Variants in NBPF20 observed in about 807,000 individuals in gnomAD.
The protein encoded by NBPF20 is NBPF family member NBPF20.
In NBPF20, 90 loss-of-function variants were observed where a neutral mutation model predicts 68.1. That is an observed-to-expected ratio of 1.32 (90% CI 1.11 to 1.58). The LOEUF (loss-of-function observed/expected upper bound fraction) is 1.58, where lower values mean the gene tolerates loss of function less well. Ranked by LOEUF, NBPF20 falls within the 40% of genes most tolerant of loss-of-function variation. The probability of loss-of-function intolerance (pLI) is 0.00; values close to 1 mark genes in which losing one functional copy is unlikely to be tolerated. For missense variants in NBPF20, 816 were observed against 601.2 expected (o/e 1.36, Z -3.74); for synonymous variants, 290 against 228.1 (o/e 1.27, Z -2.45).
At chr1:145,416,132 CA>C in the NBPF20 span, among the ~76,000 whole-genome samples, 17 of 143,040 alleles carry the variant, frequency 1.2e-4, no homozygotes, top group East Asian at 4.0e-4. Context: ...ACTCCATCTC[CA>C]AAAAAAAAAA....
Position 145,402,269 on chromosome 1 carries a change from G to C in NBPF20, c.391C>G (p.Leu131Val), listed in dbSNP as rs1189813550. Residue 131 changes from leucine (L) to valine (V), a missense_variant, in exon 4 of 138, where the codon CTT becomes GTT. Leu to Val is a conservative substitution (Grantham distance 32). Coordinates refer to ENST00000369373, the Ensembl canonical transcript of NBPF20. ...GACTTGTCCGGCTCATCCGGAGTAAGGAGGGCCTGGAGATGCTCATTCAAT... is the reference window on the plus strand; with the variant it reads ...GACTTGTCCGGCTCATCCGGAGTAACGAGGGCCTGGAGATGCTCATTCAAT... 116 of 1,610,208 alleles carry C rather than the reference G, an allele frequency of 7.2e-5. No individual in the cohort carries two copies. The East Asian group carries it at 1.7e-3, about 24-fold the overall frequency.
At position 145,399,899 on chromosome 1, in the gene NBPF20, G is replaced by A. The variant is rs1662433386; in HGVS notation, c.775+487C>T. On this transcript the variant is annotated intron_variant, in intron 6 of 137. Transcript: ENST00000369373. The stretch of plus-strand genomic sequence containing the variant: ...TATGGAAATATATCAGCAAAGTAAA[G>A]AAGAAAAGTTTCTGTCCTGATTTCA... 4.7e-5 allele frequency among the ~76,000 whole-genome samples: 7 copies of A among 150,382 alleles called. No homozygotes were observed. In the South Asian group the frequency reaches 1.5e-3, roughly 32 times the overall value.
At chr1:145,405,469 G>C in exon 1 of NBPF20, 1 of 1,543,338 alleles carries the variant, frequency 6.5e-7, no homozygotes, top group Non-Finnish European at 8.7e-7. Context: ...ACAAAAACAA[G>C]GTTCAAGGTG....
At chr1:145,393,439 A>ACACT (rs1237256036) in intron 9 of NBPF20, among the ~76,000 whole-genome samples, 193 bp from the exon 15 acceptor site, 1 of 138,484 alleles carries the variant, frequency 7.2e-6, no homozygotes, top group Non-Finnish European at 1.6e-5. Context: ...AGAGAGACAC[A>ACACT]CACTCACACA....
At position 145,393,950 on chromosome 1, in the gene NBPF20, A is replaced by G. The variant is rs1323665867; in HGVS notation, c.992-15T>C. On this transcript the variant is annotated splice_polypyrimidine_tract_variant and intron_variant, in intron 8 of 137. Transcript: ENST00000369373. The stretch of plus-strand genomic sequence containing the variant: ...CCACCGATGTCCTGCAAATAAATTC[A>G]GATGGGCCCTCTTACATTAAGCAGT... 7.0e-6 allele frequency: 9 copies of G among 1,285,580 alleles called. No homozygotes were observed. Among genetic ancestry groups the G allele is most frequent in the Non-Finnish European group, 8.9e-6 (8 of 894,490 alleles). 79.6% of individuals were successfully genotyped at this position (1,285,580 alleles called of 1,614,324 possible). A position where few individuals can be genotyped will look rare whatever the true frequency, so the allele number is the denominator to read the frequency against.
the NBPF20 span, among the ~76,000 whole-genome samples, chr1:145,419,357 G>A: frequency 2.3e-4 from 35 of 152,302 alleles, no homozygotes; most frequent in South Asian, 4.6e-3. Context: ...GGAGACAGAC[G>A]CACTACTGTA....
chr1:145,404,961 A>G, intron 2 of NBPF20, 137 bp downstream of exon 7: 3 of 1,285,440 alleles, frequency 2.3e-6, no homozygotes, highest in Non-Finnish European at 3.3e-6. Flanking sequence ...TCCAACTAAC[A>G]AAATGTTAAA....
intron 9 of NBPF20, chr1:145,393,606 T>G: frequency 1.4e-6 from 1 of 690,690 alleles, no homozygotes; most frequent in Non-Finnish European, 2.4e-6. Context: ...ATGTCCTCAA[T>G]AATTTTGCAT....
At chr1:145,393,441 A>T (rs1345307075) in intron 9 of NBPF20, among the ~76,000 whole-genome samples, 195 bp from the exon 15 acceptor site, 2 of 131,710 alleles carry the variant, frequency 1.5e-5, no homozygotes, top group Non-Finnish European at 3.3e-5. Context: ...AGAGACACAC[A>T]CTCACACACA....
At chr1:145,291,154 C>T in exon 138 of NBPF20, 1 of 377,848 alleles carries the variant, frequency 2.6e-6, no homozygotes, top group Non-Finnish European at 4.9e-6. Flanking sequence ...AGGGTAACAC[C>T]TTTGGATGAG....
At chr1:145,410,067 T>C (rs1215149798), upstream of NBPF20, among the ~76,000 whole-genome samples, 5 of 151,880 alleles carry the variant, frequency 3.3e-5, no homozygotes, top group African/African-American at 1.2e-4. Flanking sequence ...TGACTGTCTA[T>C]CTGATTTGTG....
chr1:145,366,613 G>C (rs1325501048), intron 43 of NBPF20, among the ~76,000 whole-genome samples: 2 of 84,890 alleles, frequency 2.4e-5, no homozygotes, highest in Non-Finnish European at 4.7e-5. Context: ...CACACAGAGA[G>C]AACGAGCTCA....
intron 112 of NBPF20, among the ~76,000 whole-genome samples, chr1:145,311,987 C>A (rs1661498332): frequency 1.3e-5 from 1 of 77,588 alleles, no homozygotes; most frequent in East Asian, 4.1e-4. Context: ...GATTAGGGCG[C>A]CACAGGCATG....
At chr1:145,424,574 T>C in the NBPF20 span, among the ~76,000 whole-genome samples, 8 of 152,288 alleles carry the variant, frequency 5.3e-5, no homozygotes, top group South Asian at 2.1e-4. Flanking sequence ...AGAAAAGGTA[T>C]CACTGCAAGA....
At chr1:145,292,307 C>A (rs1305171904) in intron 137 of NBPF20, 74 bp downstream of exon 142, 8 of 622,710 alleles carry the variant, frequency 1.3e-5, no homozygotes, top group East Asian at 1.0e-4. Flanking sequence ...ACATCAAACA[C>A]ACTCTGGTTT....
intron 2 of NBPF20, among the ~76,000 whole-genome samples, chr1:145,403,584 T>C (rs1210872612): frequency 1.3e-5 from 2 of 152,198 alleles, no homozygotes; most frequent in Non-Finnish European, 2.9e-5. Flanking sequence ...GGAGTCAGAA[T>C]TCACAGTCCG....
upstream of NBPF20, among the ~76,000 whole-genome samples, chr1:145,408,330 T>G (rs1413299234): frequency 6.6e-6 from 1 of 151,804 alleles, no homozygotes; most frequent in African/African-American, 2.4e-5. Flanking sequence ...ACAGACACCT[T>G]CCCCCACCCA....
intron 7 of NBPF20, among the ~76,000 whole-genome samples, chr1:145,397,492 A>G (rs1279896712): frequency 6.6e-6 from 1 of 152,238 alleles, no homozygotes; most frequent in African/African-American, 2.4e-5. Flanking sequence ...ACAAAGCTTC[A>G]TAAGTGAAGG....
upstream of NBPF20, among the ~76,000 whole-genome samples, chr1:145,410,298 T>C (rs1305926028): frequency 2.6e-5 from 4 of 152,050 alleles, no homozygotes; most frequent in South Asian, 4.1e-4. Context: ...CCTATGCTAA[T>C]TGACCATTCA....
Sources: gnomAD v4.1 joint callset for allele counts (sites outside exome capture counted in the v4.1 genomes callset) on GRCh38, gnomAD v4.1.1 for gene constraint, MANE v1.5 for transcripts, NCBI Gene and HGNC (gene_info 2026-07-23, HGNC 2026-07-21) for gene names.